GNAI3: variants seen among roughly 807,000 people sequenced by gnomAD.
GNAI3 encodes the protein guanine nucleotide-binding protein G(i) subunit alpha-3.
In GNAI3, 12 loss-of-function variants were observed where a neutral mutation model predicts 41.8. The observed-to-expected ratio is 0.29, with a 90% CI of 0.18 to 0.47. The LOEUF (loss-of-function observed/expected upper bound fraction) is 0.47. Ranked by LOEUF, GNAI3 falls within the 20% of genes least tolerant of loss-of-function variation. The pLI, the probability that GNAI3 is intolerant of heterozygous loss-of-function variation, is 1.00. For synonymous variants in GNAI3, 132 were observed against 146.5 expected (o/e 0.90, Z 0.71); for missense variants, 360 against 429.6 (o/e 0.84, Z 1.43).
At chr1:109,565,772 G>A (rs375265899) in intron 1 of GNAI3, among the ~76,000 whole-genome samples, 10 of 152,176 alleles carry the variant, frequency 6.6e-5, no homozygotes, top group East Asian at 1.9e-4. Flanking sequence ...GCACAAACCC[G>A]AATAATTACA....
intron 1 of GNAI3, among the ~76,000 whole-genome samples, chr1:109,556,154 C>T (rs898529077): frequency 3.3e-5 from 5 of 151,852 alleles, no homozygotes; most frequent in South Asian, 2.1e-4. Flanking sequence ...CAGGCTCAAA[C>T]GATCCTCCCA....
intron 1 of GNAI3, among the ~76,000 whole-genome samples, chr1:109,553,252 A>G (rs1334427111): frequency 6.6e-6 from 1 of 152,084 alleles, no homozygotes; most frequent in Non-Finnish European, 1.5e-5. Flanking sequence ...TCACTGTACT[A>G]ATGAAGATAC....
chr1:109,560,832 A>G (rs1648292516), intron 1 of GNAI3, among the ~76,000 whole-genome samples: 1 of 152,214 alleles, frequency 6.6e-6, no homozygotes, highest in African/African-American at 2.4e-5. Context: ...TACAGGTGTG[A>G]GCCACTGCAT....
At chr1:109,585,340 C>A (rs1649008991) in intron 5 of GNAI3, among the ~76,000 whole-genome samples, 1 of 152,058 alleles carries the variant, frequency 6.6e-6, no homozygotes, top group African/African-American at 2.4e-5. Flanking sequence ...AAGTAAGTCA[C>A]CCAGAAGACA....
At chr1:109,579,169 G>T in intron 3 of GNAI3, 35 bp from the exon 4 acceptor site, 1 of 1,547,488 alleles carries the variant, frequency 6.5e-7, no homozygotes, top group South Asian at 1.2e-5. Context: ...AAGAAATGGA[G>T]AGTCATCTGT....
At chr1:109,556,075 C>T (rs560008343) in intron 1 of GNAI3, among the ~76,000 whole-genome samples, 29 of 150,346 alleles carry the variant, frequency 1.9e-4, no homozygotes, top group Non-Finnish European at 3.7e-4. Context: ...CTTACTCTGT[C>T]GCCCAGGCTG....
intron 7 of GNAI3, among the ~76,000 whole-genome samples, chr1:109,590,463 A>C (rs1030294884): frequency 5.3e-5 from 8 of 152,130 alleles, no homozygotes; most frequent in Non-Finnish European, 5.9e-5. Flanking sequence ...CTTTTCACTC[A>C]TCTGCCTCCT....
At chr1:109,565,028 C>T (rs750209417) in intron 1 of GNAI3, among the ~76,000 whole-genome samples, 2 of 151,882 alleles carry the variant, frequency 1.3e-5, no homozygotes, top group Admixed American at 6.6e-5. Context: ...TTTGGGAGGC[C>T]GAGGCTGGTG....
chr1:109,579,344 C>T lies in GNAI3; in HGVS notation c.444C>T (p.Leu148=). ...TCAGCAGATCCAGGGAATATCAGCT[C>T]AATGATTCTGCTTCATAGTAAGTAA... ...ACFSRSREYQ[L]NDSASYYLND... is the part of the protein sequence containing the mutation. The change falls in exon 4 of 9, where the codon CTC becomes CTT. Residue 148 remains leucine, a synonymous_variant. Coordinates refer to ENST00000369851, the MANE Select transcript of GNAI3 (RefSeq NM_006496.4). The T allele has an allele frequency of 3.1e-6, 5 of 1,612,460 alleles. No individual in the cohort carries two copies. Among genetic ancestry groups the T allele is most frequent in the South Asian group, 1.1e-5 (1 of 90,918 alleles).
rs367925837 is a variant in GNAI3 at position 109,559,960 on chromosome 1, T to C, written c.118+11122T>C. Among the ~76,000 whole-genome samples, 28 of 152,320 alleles carry C rather than the reference T, an allele frequency of 1.8e-4. No individual in the cohort carries two copies. In the South Asian group the frequency reaches 5.6e-3, roughly 30 times the overall value. ...CGATTTTTCATGACTTTCTGTTAAG[T>C]TGTGACAAATTCATGTATCTGATGT... On this transcript the variant is annotated intron_variant, in intron 1 of 8. Transcript: ENST00000369851.
intron 1 of GNAI3, among the ~76,000 whole-genome samples, chr1:109,554,718 A>G (rs1285109821): frequency 2.6e-5 from 4 of 152,042 alleles, no homozygotes. Flanking sequence ...GTTGAGTCCC[A>G]TTTATTTATT....
chr1:109,584,966 A>G (rs1271478280), intron 5 of GNAI3, among the ~76,000 whole-genome samples: 1 of 152,234 alleles, frequency 6.6e-6, no homozygotes, highest in Non-Finnish European at 1.5e-5. Flanking sequence ...GTCATGACCA[A>G]AGGTCAAAAA....
At chr1:109,568,179 G>A (rs1415588377) in intron 1 of GNAI3, among the ~76,000 whole-genome samples, 6 of 152,090 alleles carry the variant, frequency 3.9e-5, no homozygotes. Context: ...TGTAATATAT[G>A]TTATTGAGGG....
intron 4 of GNAI3, among the ~76,000 whole-genome samples, chr1:109,579,609 T>TA (rs1391477427): frequency 6.6e-6 from 1 of 152,178 alleles, no homozygotes; most frequent in Non-Finnish European, 1.5e-5. Flanking sequence ...GGCATTTTAT[T>TA]ATAAGCAAGT....
intron 4 of GNAI3, among the ~76,000 whole-genome samples, 154 bp downstream of exon 4, chr1:109,579,515 C>T (rs1648835179): frequency 6.6e-6 from 1 of 152,138 alleles, no homozygotes; most frequent in Non-Finnish European, 1.5e-5. Flanking sequence ...GATTATAGAG[C>T]CCTTGGTCAT....
rs370535951 is a variant in GNAI3 at position 109,574,007 on chromosome 1, A to G, written c.273A>G (p.Leu91=). The change falls in exon 3 of 9, where the codon CTA becomes CTG. Residue 91 remains leucine (L), a synonymous_variant. Transcript: ENST00000369851. The part of the protein sequence containing the change: ...IIAIIRAMGR[L]KIDFGEAARA... Reference sequence around the variant, plus strand: ...CAATCATAAGAGCCATGGGACGGCTAAAGATTGACTTTGGGGAAGCTGCCA... The same window carrying G: ...CAATCATAAGAGCCATGGGACGGCTGAAGATTGACTTTGGGGAAGCTGCCA... 24 of 1,611,982 alleles carry G rather than the reference A, an allele frequency of 1.5e-5. No homozygotes were observed. The highest frequency in any genetic ancestry group is 6.7e-5 in the Admixed American group (4 of 59,808).
intron 5 of GNAI3, among the ~76,000 whole-genome samples, chr1:109,585,943 G>A (rs1649024370): frequency 6.6e-6 from 1 of 151,938 alleles, no homozygotes; most frequent in Non-Finnish European, 1.5e-5. Flanking sequence ...TGCTTATTCT[G>A]CTGACTTTTC....
At chr1:109,557,232 G>A (rs764364295) in intron 1 of GNAI3, among the ~76,000 whole-genome samples, 2 of 152,152 alleles carry the variant, frequency 1.3e-5, no homozygotes, top group Non-Finnish European at 2.9e-5. Flanking sequence ...ACCATGCCTC[G>A]CCATTGGTGA....
chr1:109,574,159 T>C (rs1648679304), intron 3 of GNAI3, 122 bp downstream of exon 3: 7 of 653,456 alleles, frequency 1.1e-5, no homozygotes, highest in Non-Finnish European at 1.8e-5. Flanking sequence ...TGTAGCAAAG[T>C]ACTTTGTGCT....
Sources: allele counts gnomAD v4.1 joint callset (sites outside exome capture counted in the v4.1 genomes callset), GRCh38; gene constraint gnomAD v4.1.1; transcripts MANE v1.5; gene names NCBI Gene and HGNC (gene_info 2026-07-23, HGNC 2026-07-21).